The following CSMD2 variants were observed in gnomAD, a reference collection of about 807,000 sequenced individuals.
The protein encoded by CSMD2 is CUB and sushi domain-containing protein 2.
In CSMD2, 130 loss-of-function variants were observed where a neutral mutation model predicts 398.5. That is an observed-to-expected ratio of 0.33 (90% CI 0.28 to 0.38). CSMD2 has a LOEUF of 0.38. Among genes scored for constraint, CSMD2 ranks in the 10% least tolerant of loss-of-function variants. The probability of loss-of-function intolerance (pLI) is 1.00; values close to 1 mark genes in which losing one functional copy is unlikely to be tolerated. For synonymous variants in CSMD2, 1,828 were observed against 1,908.5 expected, an observed-to-expected ratio of 0.96 and a Z score of 1.10; for missense variants, 3,829 against 4,764.9, an observed-to-expected ratio of 0.80 and a Z score of 5.78.
rs187069038 is a variant in CSMD2 at position 34,017,500 on chromosome 1, T to C, written c.517+15094A>G. Among the ~76,000 whole-genome samples the C allele has an allele frequency of 2.6e-5, 4 of 152,342 alleles. No homozygotes were observed. The East Asian group carries it at 7.7e-4, about 29-fold the overall frequency. On this transcript the variant is annotated intron_variant, in intron 3 of 70. Coordinates refer to ENST00000373381, the MANE Select transcript of CSMD2 (RefSeq NM_001281956.2). ...GGCCAGGCACAGTGGCTCATGCCTG[T>C]AATCCCAGCATTTTGGGAGGCTGAG...
At position 33,724,621 on chromosome 1, in the gene CSMD2, C is replaced by T. The variant is rs767425150; in HGVS notation, c.2779G>A (p.Ala927Thr). 41 of 1,614,052 alleles carry T rather than the reference C, an allele frequency of 2.5e-5. No homozygotes were observed. The highest frequency in any genetic ancestry group is 1.0e-4 in the Admixed American group (6 of 60,002). Residue 927 changes from alanine (A) to threonine (T), a missense_variant, in exon 18 of 71, where the codon GCG (alanine) becomes ACG (threonine). Ala to Thr is a moderately conservative substitution (Grantham distance 58, BLOSUM62 0). Around this residue, in one of 5 missense-constraint regions of CSMD2, gnomAD observed 2,001 missense variants for 2,567.1 expected, o/e 0.78. Transcript: ENST00000373381. ...QRHGNDFYVGALVTFSCDSGY... is the reference protein window; with the variant it reads ...QRHGNDFYVGTLVTFSCDSGY... The stretch of plus-strand genomic sequence containing the variant: ...GAGTCACAGCTGAAGGTCACCAGCG[C>T]GCCCACGTAGAAGTCATTCCCATGA...
At chr1:33,836,988 T>C (rs1196375051) in intron 6 of CSMD2, among the ~76,000 whole-genome samples, 1 of 152,222 alleles carries the variant, frequency 6.6e-6, no homozygotes, top group African/African-American at 2.4e-5. Flanking sequence ...GCTGTTCCTA[T>C]TCGGCCATCT....
At chr1:33,717,547 G>A (rs1646214509) in intron 19 of CSMD2, among the ~76,000 whole-genome samples, 1 of 151,900 alleles carries the variant, frequency 6.6e-6, no homozygotes, top group Non-Finnish European at 1.5e-5. Flanking sequence ...AGGAAGGTGT[G>A]GGTTGTAGAA....
At chr1:34,122,284 C>T (rs547570131) in intron 1 of CSMD2, among the ~76,000 whole-genome samples, 6 of 152,170 alleles carry the variant, frequency 3.9e-5, no homozygotes, top group African/African-American at 7.2e-5. Flanking sequence ...GCTGAGAAAC[C>T]GTGCAGGAGA....
chr1:33,830,183 T>A (rs1180507496), intron 6 of CSMD2, among the ~76,000 whole-genome samples: 1 of 152,202 alleles, frequency 6.6e-6, no homozygotes, highest in Non-Finnish European at 1.5e-5. Flanking sequence ...CAGCTGGAGA[T>A]CTGAGAATGG....
At position 33,537,235 on chromosome 1, in the gene CSMD2, T is replaced by C; in HGVS notation, c.9806-140A>G. 2 of 1,113,374 alleles carry C rather than the reference T, an allele frequency of 1.8e-6. No homozygotes were observed. Among genetic ancestry groups the C allele is most frequent in the Non-Finnish European group, 2.6e-6 (2 of 755,214 alleles). 69.0% of individuals were successfully genotyped at this position (1,113,374 alleles called of 1,614,324 possible). On this transcript the variant is annotated intron_variant, in intron 61 of 70. Transcript: ENST00000373381. The surrounding 1 kb of genome is among the most constrained non-coding windows in gnomAD (Gnocchi z 4.6). Reference sequence around the variant, plus strand: ...CCCACTGAGATCCCCACCTGAGCCTTGGCCCTGGCTGTCTATTTGACTCCT... The same window carrying C: ...CCCACTGAGATCCCCACCTGAGCCTCGGCCCTGGCTGTCTATTTGACTCCT...
intron 13 of CSMD2, among the ~76,000 whole-genome samples, chr1:33,769,590 C>A (rs970892824): frequency 6.6e-6 from 1 of 152,174 alleles, no homozygotes; most frequent in Non-Finnish European, 1.5e-5. Context: ...CAAAAGCCAA[C>A]AAAATGATTC....
intron 1 of CSMD2, among the ~76,000 whole-genome samples, chr1:34,128,511 G>C (rs1662983579): frequency 6.6e-6 from 1 of 152,206 alleles, no homozygotes; most frequent in Non-Finnish European, 1.5e-5. Flanking sequence ...TCCACCAAAA[G>C]AGAAGACCTG....
At chr1:33,974,156 A>G (rs1645872288) in intron 3 of CSMD2, among the ~76,000 whole-genome samples, 2 of 152,232 alleles carry the variant, frequency 1.3e-5, no homozygotes, top group Admixed American at 6.5e-5. Flanking sequence ...AAAATGTCCA[A>G]TAACATTTCT....
intron 5 of CSMD2, among the ~76,000 whole-genome samples, chr1:33,912,913 G>T (rs1350057843): frequency 6.6e-6 from 1 of 152,128 alleles, no homozygotes; most frequent in Non-Finnish European, 1.5e-5. Context: ...CCAGGGCTCA[G>T]GTGATCCTCC....
chr1:33,909,690 G>A (rs750833050), intron 5 of CSMD2, among the ~76,000 whole-genome samples: 20 of 152,264 alleles, frequency 1.3e-4, no homozygotes, highest in Non-Finnish European at 1.3e-4. Flanking sequence ...TATGAAAGAC[G>A]ATGCTGGTGC....
chr1:33,554,972 G>A (rs1024309160), intron 55 of CSMD2, among the ~76,000 whole-genome samples: 1 of 152,090 alleles, frequency 6.6e-6, no homozygotes, highest in African/African-American at 2.4e-5. Flanking sequence ...TGACTTTCAA[G>A]TCTTATTATG....
At position 33,541,353 on chromosome 1, in the gene CSMD2, C is replaced by A. The variant is rs374478191; in HGVS notation, c.9278-44G>T. The A allele has an allele frequency of 2.7e-5, 39 of 1,466,180 alleles. 2 individuals are homozygous for A. The South Asian group carries it at 4.2e-4, about 16-fold the overall frequency. 90.8% of individuals were successfully genotyped at this position (1,466,180 alleles called of 1,614,324 possible). ...AGCATTGTTCACTCCTGGCCAGGAC[C>A]CCACTTCTCCTCCAATACCATCCCT... On this transcript the variant is annotated intron_variant, in intron 58 of 70. Coordinates refer to ENST00000373381, the MANE Select transcript of CSMD2 (RefSeq NM_001281956.2).
chr1:33,983,722 G>C (rs1260359168), intron 3 of CSMD2, among the ~76,000 whole-genome samples: 1 of 152,112 alleles, frequency 6.6e-6, no homozygotes, highest in Admixed American at 6.6e-5. Flanking sequence ...TCTCTGTAAA[G>C]GAGAGAAAGA....
At chr1:33,875,920 G>A (rs950270470) in intron 5 of CSMD2, among the ~76,000 whole-genome samples, 2 of 152,168 alleles carry the variant, frequency 1.3e-5, no homozygotes, top group Non-Finnish European at 2.9e-5. Context: ...GGGTCCTAGA[G>A]TGGTTTTGTC....
intron 1 of CSMD2, among the ~76,000 whole-genome samples, chr1:34,135,416 C>T (rs555418626): frequency 4.3e-4 from 66 of 151,876 alleles, no homozygotes; most frequent in South Asian, 1.3e-3. Context: ...GTCAACAGAT[C>T]GAGACCATCT....
At position 34,089,208 on chromosome 1, in the gene CSMD2, T is replaced by C. The variant is rs367709246; in HGVS notation, c.188-15A>G. 1.2e-6 allele frequency: 2 copies of C among 1,611,664 alleles called. No homozygotes were observed. Among genetic ancestry groups the C allele is most frequent in the Non-Finnish European group, 1.7e-6 (2 of 1,178,162 alleles). On this transcript the variant is annotated splice_polypyrimidine_tract_variant and intron_variant, in intron 1 of 70. Coordinates refer to ENST00000373381, the MANE Select transcript of CSMD2 (RefSeq NM_001281956.2). ...GCAGTTCTGGCCTGGGAAAGAGAAA[T>C]GGAGCAGTTCAGAATAGCCAGAATA...
At chr1:33,804,736 T>G (rs908128258) in intron 10 of CSMD2, 20 of 717,298 alleles carry the variant, frequency 2.8e-5, no homozygotes, top group Middle Eastern at 2.3e-4. Context: ...TGGATACACC[T>G]GTATCTCACC....
chr1:34,154,886 C>T (rs995885773), intron 1 of CSMD2, among the ~76,000 whole-genome samples: 4 of 152,104 alleles, frequency 2.6e-5, no homozygotes, highest in Non-Finnish European at 5.9e-5. Context: ...CACCACCACG[C>T]CTGGCTAATT....
Sources: gnomAD v4.1 joint callset for allele counts (sites outside exome capture counted in the v4.1 genomes callset) on GRCh38, gnomAD v4.1.1 for gene constraint, gnomAD v4.1.1 regional missense constraint, Gnocchi (gnomAD v3.1) non-coding constraint, MANE v1.5 for transcripts, NCBI Gene and HGNC (gene_info 2026-07-23, HGNC 2026-07-21) for gene names.